Variants in CDH7 observed in about 807,000 individuals in gnomAD.
CDH7 encodes cadherin 7.
In CDH7, 25 loss-of-function variants were observed where a neutral mutation model predicts 71.8. That is an observed-to-expected ratio of 0.35 (90% CI 0.25 to 0.49). The LOEUF is 0.49. Among genes scored for constraint, CDH7 ranks in the 20% least tolerant of loss-of-function variants. CDH7 has a pLI of 0.99. For missense variants in CDH7, 862 were observed against 974.6 expected (o/e 0.88, Z 1.54); for synonymous variants, 381 against 363.8 (o/e 1.05, Z -0.54).
At position 65,781,718 on chromosome 18, in the gene CDH7, G is replaced by A. The variant is rs189602972; in HGVS notation, c.210+18666G>A. Among the ~76,000 whole-genome samples the A allele has an allele frequency of 1.8e-4, 28 of 151,660 alleles. No homozygotes were observed. In the East Asian group the frequency reaches 5.4e-3, roughly 29 times the overall value. Reference sequence around the variant, plus strand: ...ACTTAAGAGGAGAACTACAAATAGAGCAAACAACCTTTCTAGCTACCCTAT... The same window carrying A: ...ACTTAAGAGGAGAACTACAAATAGAACAAACAACCTTTCTAGCTACCCTAT... On this transcript the variant is annotated intron_variant, in intron 2 of 11. Coordinates refer to ENST00000397968, the MANE Select transcript of CDH7 (RefSeq NM_004361.5).
chr18:65,822,048 T>C (rs113179378), intron 4 of CDH7, 33 bp from the exon 5 acceptor site: 4 of 1,547,922 alleles, frequency 2.6e-6, no homozygotes, highest in African/African-American at 1.4e-5. Flanking sequence ...CAGTGATTCA[T>C]GATGAGTTTT....
Position 65,854,588 on chromosome 18 carries a change from C to T in CDH7, c.1236-3228C>T, listed in dbSNP as rs1913281842. On this transcript the variant is annotated intron_variant, in intron 7 of 11. Transcript: ENST00000397968. The stretch of plus-strand genomic sequence containing the variant: ...CAAGTGTTTTAGTCATTGACTTTAG[C>T]CCTGTGGGGAATTACATGAATTCAT... 3.9e-5 allele frequency among the ~76,000 whole-genome samples: 6 copies of T among 152,166 alleles called. No homozygotes were observed. The South Asian group carries it at 1.2e-3, about 32-fold the overall frequency.
chr18:65,819,166 C>T (rs906431054), intron 4 of CDH7, among the ~76,000 whole-genome samples: 1 of 152,144 alleles, frequency 6.6e-6, no homozygotes, highest in Non-Finnish European at 1.5e-5. Flanking sequence ...GAAGTTACCA[C>T]CTGTCTCCGT....
At chr18:65,862,552 C>T in intron 10 of CDH7, 114 bp from the exon 11 acceptor site, 3 of 1,046,250 alleles carry the variant, frequency 2.9e-6, no homozygotes, top group Admixed American at 2.3e-5. Context: ...AAATCTGCAA[C>T]TCCAGAGATT....
chr18:65,818,412 T>A (rs1280435286), intron 4 of CDH7, among the ~76,000 whole-genome samples: 1 of 152,154 alleles, frequency 6.6e-6, no homozygotes, highest in Non-Finnish European at 1.5e-5. Flanking sequence ...TGTTATCCAG[T>A]CAGAATGTGC....
At chr18:65,832,371 GAATA>G (rs1912382372) in intron 6 of CDH7, among the ~76,000 whole-genome samples, 1 of 151,920 alleles carries the variant, frequency 6.6e-6, no homozygotes, top group African/African-American at 2.4e-5. Context: ...TTTGAAAAAA[GAATA>G]AATAGAGAAA....
At chr18:65,855,818 T>A (rs1913333511) in intron 7 of CDH7, among the ~76,000 whole-genome samples, 2 of 152,136 alleles carry the variant, frequency 1.3e-5, no homozygotes, top group South Asian at 2.1e-4. Context: ...AAGACTTTCA[T>A]GCAAATATTT....
intron 2 of CDH7, among the ~76,000 whole-genome samples, chr18:65,771,945 G>A (rs1002307016): frequency 5.9e-5 from 9 of 152,124 alleles, no homozygotes; most frequent in African/African-American, 2.2e-4. Context: ...AGATGGGGCT[G>A]TGTTATAGGA....
intron 6 of CDH7, among the ~76,000 whole-genome samples, chr18:65,842,340 C>A (rs1416497653): frequency 6.6e-6 from 1 of 151,716 alleles, no homozygotes; most frequent in South Asian, 2.1e-4. Flanking sequence ...TTTAGTAAGT[C>A]CTGTCTGGTC....
At chr18:65,801,128 C>T (rs991156574) in intron 2 of CDH7, among the ~76,000 whole-genome samples, 7 of 152,190 alleles carry the variant, frequency 4.6e-5, no homozygotes, top group Admixed American at 3.9e-4. Context: ...TGATTCAAGA[C>T]TTTAGGCTCC....
intron 2 of CDH7, among the ~76,000 whole-genome samples, chr18:65,796,025 TA>T (rs1910900440): frequency 6.6e-6 from 1 of 152,158 alleles, no homozygotes; most frequent in South Asian, 2.1e-4. Context: ...GTGAGTCAAT[TA>T]AACCTTTTTT....
Position 65,848,473 on chromosome 18 carries a change from C to T in CDH7, c.1235+4408C>T, listed in dbSNP as rs555857754. Among the ~76,000 whole-genome samples the T allele has an allele frequency of 2.0e-5, 3 of 152,270 alleles. No homozygotes were observed. In the East Asian group the frequency reaches 5.8e-4, roughly 29 times the overall value. On this transcript the variant is annotated intron_variant, in intron 7 of 11. Transcript: ENST00000397968. ...AATTGTAAGATAAATAATCAGCACT[C>T]CAAGTTCACTGGCTGTGAGATTTCA...
chr18:65,828,059 A>G (rs1912197226), intron 6 of CDH7, among the ~76,000 whole-genome samples: 2 of 151,568 alleles, frequency 1.3e-5, no homozygotes, highest in African/African-American at 4.8e-5. Flanking sequence ...TAGATACTAG[A>G]TAGTGGGAAA....
At chr18:65,857,786 A>G (rs776202088) in intron 7 of CDH7, 30 bp from the exon 8 acceptor site, 1 of 1,604,574 alleles carries the variant, frequency 6.2e-7, no homozygotes. Context: ...TACATGTTGA[A>G]GGCTTTTCTT....
At chr18:65,805,264 A>G (rs1466059976) in intron 2 of CDH7, among the ~76,000 whole-genome samples, 1 of 152,210 alleles carries the variant, frequency 6.6e-6, no homozygotes, top group African/African-American at 2.4e-5. Flanking sequence ...AGACTTCAGG[A>G]AAAGGGAATT....
At chr18:65,752,664 C>A (rs1337370277) in intron 1 of CDH7, among the ~76,000 whole-genome samples, 1 of 152,116 alleles carries the variant, frequency 6.6e-6, no homozygotes, top group Non-Finnish European at 1.5e-5. Flanking sequence ...GGAAGACTGG[C>A]AACTTTGTGG....
At chr18:65,770,173 A>T (rs1038268814) in intron 2 of CDH7, among the ~76,000 whole-genome samples, 3 of 152,182 alleles carry the variant, frequency 2.0e-5, no homozygotes, top group African/African-American at 7.2e-5. Flanking sequence ...TCTCAAAAAT[A>T]CATCAATTTA....
At chr18:65,859,916 T>C in intron 10 of CDH7, 91 bp downstream of exon 10, 1 of 764,210 alleles carries the variant, frequency 1.3e-6, no homozygotes, top group Non-Finnish European at 2.3e-6. Flanking sequence ...TTATGGATTT[T>C]TTTTAAAGCA....
intron 5 of CDH7, among the ~76,000 whole-genome samples, chr18:65,822,778 C>G (rs900215115): frequency 2.0e-5 from 3 of 151,886 alleles, no homozygotes; most frequent in Non-Finnish European, 4.4e-5. Flanking sequence ...TGCAAACATT[C>G]AGTGTTTTAA....
Sources: gnomAD v4.1 joint callset for allele counts (sites outside exome capture counted in the v4.1 genomes callset) on GRCh38, gnomAD v4.1.1 for gene constraint, MANE v1.5 for transcripts, NCBI Gene and HGNC (gene_info 2026-07-23, HGNC 2026-07-21) for gene names.